The following DCST1 variants were observed in gnomAD, a reference collection of about 807,000 sequenced individuals.
DCST1 encodes the protein E3 ubiquitin-protein ligase DCST1.
DCST1 carries 78 observed loss-of-function variants against 89.1 expected under a neutral mutation model. That is an observed-to-expected ratio of 0.88 (90% CI 0.73 to 1.06). DCST1 has a LOEUF of 1.06. DCST1 is among the 50% of genes least tolerant of loss of function. The probability of loss-of-function intolerance (pLI) is 0.00; values close to 1 mark genes in which losing one functional copy is unlikely to be tolerated. For synonymous variants in DCST1, 364 were observed against 371.9 expected (o/e 0.98, Z 0.24); for missense variants, 900 against 928.6 (o/e 0.97, Z 0.40).
chr1:155,045,723 CAG>C (rs1660597497), intron 10 of DCST1, 168 bp from the exon 11 acceptor site: 5 of 626,464 alleles, frequency 8.0e-6, no homozygotes, highest in Non-Finnish European at 1.4e-5. Flanking sequence ...AAGGCAGGGA[CAG>C]AGTCTTCTCC....
rs147853742 is a variant in DCST1 at position 155,040,378 on chromosome 1, C to T, written c.392-107C>T. 4.2e-5 allele frequency: 52 copies of T among 1,246,026 alleles called. 1 individual carries two copies. The East Asian group carries it at 1.4e-3, about 35-fold the overall frequency. 77.2% of individuals were successfully genotyped at this position (1,246,026 alleles called of 1,614,324 possible). Reference sequence around the variant, plus strand: ...ACCTTTCATAGGCTCTCGGCCCCACCACTGTATAGTTCTAGGCGATGGGCA... The same window carrying T: ...ACCTTTCATAGGCTCTCGGCCCCACTACTGTATAGTTCTAGGCGATGGGCA... On this transcript the variant is annotated intron_variant, in intron 5 of 16. Coordinates refer to ENST00000295542, the MANE Select transcript of DCST1 (RefSeq NM_152494.4).
intron 6 of DCST1, 79 bp from the exon 7 acceptor site, chr1:155,041,318 G>A (rs531932498): frequency 4.1e-6 from 6 of 1,465,918 alleles, no homozygotes; most frequent in African/African-American, 2.8e-5. Flanking sequence ...CTTGGCTACT[G>A]GGGGAGGACA....
rs377729796 is a variant in DCST1 at position 155,041,890 on chromosome 1, G to A, written c.892+33G>A. 1.4e-5 allele frequency: 22 copies of A among 1,612,830 alleles called. 1 individual carries two copies. The highest frequency in any genetic ancestry group is 1.7e-4 in the Middle Eastern group (1 of 5,934). On this transcript the variant is annotated intron_variant, in intron 8 of 16. Coordinates refer to ENST00000295542, the MANE Select transcript of DCST1 (RefSeq NM_152494.4). ...CAGTTGCAAAGGGGTGGGGAGCATC[G>A]GGGTAGGGAGCTGAGTCCTTGGGAC...
chr1:155,042,389 G>A (rs745810069), intron 8 of DCST1, among the ~76,000 whole-genome samples: 134 of 152,184 alleles, frequency 8.8e-4, no homozygotes, highest in Non-Finnish European at 1.2e-3. Context: ...GTGAGCCATC[G>A]CACCCAGCCA....
intron 10 of DCST1, chr1:155,045,687 G>A (rs1337279977): frequency 1.7e-6 from 1 of 587,500 alleles, no homozygotes; most frequent in Admixed American, 2.9e-5. Flanking sequence ...CATCATGTAG[G>A]GGGATGTCTT....
chr1:155,050,435 T>C (rs1324054247), intron 16 of DCST1, 182 bp from the exon 17 acceptor site: 5 of 721,012 alleles, frequency 6.9e-6, no homozygotes, highest in African/African-American at 1.8e-5. Context: ...CATCCTCCCA[T>C]TCTCCATCAC....
At chr1:155,042,423 T>C (rs1449573068) in intron 8 of DCST1, among the ~76,000 whole-genome samples, 1 of 152,116 alleles carries the variant, frequency 6.6e-6, no homozygotes, top group Non-Finnish European at 1.5e-5. Flanking sequence ...TAAGGATTTA[T>C]GGGGCTAACG....
chr1:155,048,498 C>T (rs1660736751), intron 16 of DCST1, among the ~76,000 whole-genome samples: 1 of 152,156 alleles, frequency 6.6e-6, no homozygotes, highest in African/African-American at 2.4e-5. Flanking sequence ...CAGGGTTTCA[C>T]CATGTTGGCC....
At chr1:155,046,512 C>A (rs749737572) in intron 13 of DCST1, 26 bp downstream of exon 13, 1 of 1,612,502 alleles carries the variant, frequency 6.2e-7, no homozygotes, top group Non-Finnish European at 8.5e-7. Context: ...AGACACATTC[C>A]AGGCCCAAGA....
chr1:155,047,812 G>A lies in DCST1; in HGVS notation c.1638G>A (p.Leu546=). The A allele has an allele frequency of 6.2e-7, 1 of 1,614,124 alleles. No homozygotes were observed. Among genetic ancestry groups the A allele is most frequent in the South Asian group, 1.1e-5 (1 of 91,082 alleles). The change falls in exon 15 of 17, where the codon CTG becomes CTA. Residue 546 remains leucine, a synonymous_variant. Coordinates refer to ENST00000295542, the MANE Select transcript of DCST1 (RefSeq NM_152494.4). ...CCTGCCTGCCCCAGCCTGTGGGCCTGGATGCCAGGGCCTACTGGAGAGCTG... is the reference window on the plus strand; with the variant it reads ...CCTGCCTGCCCCAGCCTGTGGGCCTAGATGCCAGGGCCTACTGGAGAGCTG... The part of the protein sequence containing the change: ...NMPCLPQPVG[L]DARAYWRAAV...
chr1:155,048,792 G>C (rs1040716683), intron 16 of DCST1, among the ~76,000 whole-genome samples: 7 of 152,050 alleles, frequency 4.6e-5, no homozygotes, highest in Admixed American at 3.9e-4. Flanking sequence ...GGGCCGCACA[G>C]AAACAGGAGG....
intron 10 of DCST1, among the ~76,000 whole-genome samples, chr1:155,044,941 A>C (rs1660567775): frequency 6.6e-6 from 1 of 152,182 alleles, no homozygotes; most frequent in African/African-American, 2.4e-5. Context: ...CGAGGCTCAG[A>C]GCCAGCTTGT....
chr1:155,049,391 T>C lies in DCST1; in HGVS notation c.1869+1221T>C, dbSNP rs111700170. 3.3e-3 allele frequency: 988 copies of C among 303,734 alleles called. 11 individuals carry two copies. The highest frequency in any genetic ancestry group is 0.018 in the African/African-American group (834 of 46,134). The allele number at this position is 303,734 out of a possible 1,614,324, so 18.8% of individuals were successfully genotyped here. ...AAAAAAGGAGATGATAATAACACTATCTGCCTTACATGACAATTGAATTGA... is the reference window on the plus strand; with the variant it reads ...AAAAAAGGAGATGATAATAACACTACCTGCCTTACATGACAATTGAATTGA... On this transcript the variant is annotated intron_variant, in intron 16 of 16. Transcript: ENST00000295542.
chr1:155,048,331 G>A (rs559014870), intron 16 of DCST1, among the ~76,000 whole-genome samples, 161 bp downstream of exon 16: 3 of 152,244 alleles, frequency 2.0e-5, no homozygotes, highest in Non-Finnish European at 2.9e-5. Context: ...TCACTGTGTC[G>A]CCCAGGCTGG....
rs1279104003 is a variant in DCST1 at position 155,041,748 on chromosome 1, T to C, written c.783T>C (p.Arg261=). 7.4e-6 allele frequency: 12 copies of C among 1,614,254 alleles called. No homozygotes were observed. Among genetic ancestry groups the C allele is most frequent in the South Asian group, 1.1e-5 (1 of 91,092 alleles). ...ACCAGGCCATACTCAGCTGCCGTCG[T>C]TGGTTTGACCGCAAGCATGAACAGT... The part of the protein sequence containing the change: ...VVNQAILSCR[R]WFDRKHEQCM... The change falls in exon 8 of 17, where the codon CGT becomes CGC. Residue 261 remains arginine, a synonymous_variant. Coordinates refer to ENST00000295542, the MANE Select transcript of DCST1 (RefSeq NM_152494.4).
intron 16 of DCST1, chr1:155,048,959 A>T: frequency 1.4e-6 from 1 of 713,020 alleles, no homozygotes; most frequent in Non-Finnish European, 2.6e-6. Flanking sequence ...ACTCCAGTCC[A>T]TACTCCCTCA....
intron 8 of DCST1, among the ~76,000 whole-genome samples, 176 bp downstream of exon 8, chr1:155,042,033 C>T (rs1252841727): frequency 6.6e-6 from 1 of 152,330 alleles, no homozygotes; most frequent in East Asian, 1.9e-4. Context: ...TGAGTTACAG[C>T]AAAGCTCTGA....
At chr1:155,035,731 A>C (rs1660262426) in intron 4 of DCST1, among the ~76,000 whole-genome samples, 1 of 151,940 alleles carries the variant, frequency 6.6e-6, no homozygotes, top group South Asian at 2.1e-4. Flanking sequence ...GGAGTTTGAG[A>C]CCAGCCTGGC....
At chr1:155,047,696 C>G in intron 14 of DCST1, 91 bp from the exon 15 acceptor site, 1 of 1,181,458 alleles carries the variant, frequency 8.5e-7, no homozygotes, top group Non-Finnish European at 1.2e-6. Context: ...AATCAGAGGA[C>G]TGCACCTCCC....
Sources: gnomAD v4.1 joint callset for allele counts (sites outside exome capture counted in the v4.1 genomes callset) on GRCh38, gnomAD v4.1.1 for gene constraint, MANE v1.5 for transcripts, NCBI Gene and HGNC (gene_info 2026-07-23, HGNC 2026-07-21) for gene names.